Variants in NLK observed in about 807,000 individuals in gnomAD.
NLK encodes serine/threonine-protein kinase NLK.
In NLK, 11 loss-of-function variants were observed where a neutral mutation model predicts 59.0. The ratio of observed to expected loss-of-function variants is 0.19; its 90% CI spans 0.12 to 0.31. The LOEUF (loss-of-function observed/expected upper bound fraction) is 0.31, where lower values mean the gene tolerates loss of function less well. Among genes scored for constraint, NLK ranks in the 10% least tolerant of loss-of-function variants. The pLI, the probability that NLK is intolerant of heterozygous loss-of-function variation, is 1.00. For synonymous variants in NLK, 235 were observed against 235.9 expected, an observed-to-expected ratio of 1.00 and a Z score of 0.03; for missense variants, 410 against 661.1, an observed-to-expected ratio of 0.62 and a Z score of 4.16.
intron 3 of NLK, among the ~76,000 whole-genome samples, chr17:28,139,671 T>G (rs1302801650): frequency 6.6e-6 from 1 of 152,242 alleles, no homozygotes; most frequent in Non-Finnish European, 1.5e-5. Context: ...CTATCCTAAA[T>G]TACTTTATTC....
rs545776916 is a variant in NLK at position 28,051,408 on chromosome 17, G to T, written c.458+8077G>T. On this transcript the variant is annotated intron_variant, in intron 1 of 10. Transcript: ENST00000407008. ...CAGAGTCTTCCGCTGTCACCAGGCT[G>T]GAGTGCAGTGGCATGATCTTGGCTC... 8.0e-5 allele frequency among the ~76,000 whole-genome samples: 12 copies of T among 150,554 alleles called. No homozygotes were observed. The East Asian group carries it at 2.1e-3, about 27-fold the overall frequency.
At chr17:28,130,516 A>G (rs545597961) in intron 2 of NLK, among the ~76,000 whole-genome samples, 2 of 152,304 alleles carry the variant, frequency 1.3e-5, no homozygotes, top group East Asian at 3.9e-4. Flanking sequence ...TCCCTGTTTT[A>G]TATGGCTTTT....
intron 3 of NLK, among the ~76,000 whole-genome samples, chr17:28,158,596 G>A (rs1478796070): frequency 1.3e-5 from 2 of 151,856 alleles, no homozygotes; most frequent in Non-Finnish European, 2.9e-5. Context: ...AACACTTAGC[G>A]TAAAACACAA....
At position 28,168,529 on chromosome 17, in the gene NLK, C is replaced by A. The variant is rs781547535; in HGVS notation, c.919C>A (p.Arg307=). Residue 307 remains arginine (R), a synonymous_variant, in exon 6 of 11, where the codon CGG becomes AGG. Coordinates refer to ENST00000407008, the MANE Select transcript of NLK (RefSeq NM_016231.5). ...TCAGGAAGTTGTTACTCAGTATTAT[C>A]GGGCTCCAGAAATCCTGATGGGCAG... ...MTQEVVTQYY[R]APEILMGSRH... 2.9e-5 allele frequency: 46 copies of A among 1,613,242 alleles called. No individual in the cohort carries two copies. The South Asian group carries it at 4.7e-4, about 17-fold the overall frequency.
Position 28,056,206 on chromosome 17 carries a change from T to G in NLK, c.458+12875T>G, listed in dbSNP as rs117187643. On this transcript the variant is annotated intron_variant, in intron 1 of 10. Transcript: ENST00000407008. ...TTGTATCCTGTTTGTTTCACTAACA[T>G]TGCAGAATGAGATTTCAGTCATTTG... Among the ~76,000 whole-genome samples, 921 of 152,316 alleles carry G rather than the reference T, an allele frequency of 6.0e-3. 7 individuals are homozygous for G. The highest frequency in any genetic ancestry group is 9.8e-3 in the Non-Finnish European group (669 of 68,026).
At chr17:28,138,639 A>G (rs565070983) in intron 3 of NLK, among the ~76,000 whole-genome samples, 1 of 152,334 alleles carries the variant, frequency 6.6e-6, no homozygotes, top group Non-Finnish European at 1.5e-5. Flanking sequence ...ATATATGCTT[A>G]TGTAAGTGTA....
intron 1 of NLK, among the ~76,000 whole-genome samples, chr17:28,049,112 A>G (rs930952941): frequency 2.0e-5 from 3 of 152,242 alleles, no homozygotes; most frequent in African/African-American, 4.8e-5. Flanking sequence ...CAGTGAGCAC[A>G]TAACAAGTCA....
At chr17:28,157,980 A>G (rs1217218532) in intron 3 of NLK, among the ~76,000 whole-genome samples, 1 of 152,226 alleles carries the variant, frequency 6.6e-6, no homozygotes, top group African/African-American at 2.4e-5. Flanking sequence ...AACAAAGCAG[A>G]CAACCCTTGC....
intron 2 of NLK, among the ~76,000 whole-genome samples, chr17:28,128,468 A>G (rs1906379757): frequency 6.6e-6 from 1 of 152,220 alleles, no homozygotes; most frequent in Admixed American, 6.5e-5. Flanking sequence ...ATATATCTAA[A>G]TATCATATGT....
At chr17:28,123,175 A>T (rs1460646088) in intron 2 of NLK, among the ~76,000 whole-genome samples, 1 of 152,220 alleles carries the variant, frequency 6.6e-6, no homozygotes, top group Non-Finnish European at 1.5e-5. Flanking sequence ...CTAAACTCCA[A>T]ATCAGGAAAC....
chr17:28,048,452 C>T (rs530371387), intron 1 of NLK: 2 of 152,166 alleles, frequency 1.3e-5, no homozygotes, highest in South Asian at 2.1e-4. Context: ...AACAATATCC[C>T]TCAACATTAA....
chr17:28,073,777 C>A (rs1472449812), intron 1 of NLK, among the ~76,000 whole-genome samples: 1 of 152,132 alleles, frequency 6.6e-6, no homozygotes, highest in Non-Finnish European at 1.5e-5. Flanking sequence ...CCTATATATA[C>A]CCCCGGTAGA....
chr17:28,047,281 A>ATT (rs897124786), intron 1 of NLK, among the ~76,000 whole-genome samples: 7 of 152,210 alleles, frequency 4.6e-5, no homozygotes, highest in African/African-American at 1.7e-4. Context: ...AGATTGTCAG[A>ATT]TTTATCAGGT....
chr17:28,054,496 CCTTT>C (rs1386204573), intron 1 of NLK, among the ~76,000 whole-genome samples: 4 of 152,066 alleles, frequency 2.6e-5, no homozygotes, highest in Admixed American at 6.5e-5. Context: ...CAACAAAGCA[CCTTT>C]CTTTATTAAG....
At chr17:28,129,906 GT>G (rs1158837227) in intron 2 of NLK, among the ~76,000 whole-genome samples, 2 of 152,116 alleles carry the variant, frequency 1.3e-5, no homozygotes, top group African/African-American at 4.8e-5. Flanking sequence ...CATCATGGAG[GT>G]TAAAATCCTA....
the NLK span, among the ~76,000 whole-genome samples, chr17:28,201,840 A>T: frequency 6.6e-6 from 1 of 152,058 alleles, no homozygotes; most frequent in African/African-American, 2.4e-5. Flanking sequence ...ACATGGCGAA[A>T]CCCTATCTCT....
intron 2 of NLK, among the ~76,000 whole-genome samples, chr17:28,129,044 A>G (rs1906406330): frequency 6.6e-6 from 1 of 152,240 alleles, no homozygotes; most frequent in African/African-American, 2.4e-5. Flanking sequence ...AAATGAAAGA[A>G]TCTATACACA....
chr17:28,153,510 A>C (rs1276426018), intron 3 of NLK, among the ~76,000 whole-genome samples: 1 of 152,198 alleles, frequency 6.6e-6, no homozygotes, highest in Non-Finnish European at 1.5e-5. Context: ...GGTCTCTTTT[A>C]TAGAGAGGCT....
chr17:28,123,788 G>C (rs35165723), intron 2 of NLK, among the ~76,000 whole-genome samples: 2 of 152,136 alleles, frequency 1.3e-5, no homozygotes, highest in Middle Eastern at 3.2e-3. Context: ...TTAATCCTGA[G>C]TTAAAAATTT....
Sources: allele counts gnomAD v4.1 joint callset (sites outside exome capture counted in the v4.1 genomes callset), GRCh38; gene constraint gnomAD v4.1.1; transcripts MANE v1.5; gene names NCBI Gene and HGNC (gene_info 2026-07-23, HGNC 2026-07-21).